MPPED1: variants seen among roughly 807,000 people sequenced by gnomAD.
MPPED1 encodes the protein metallophosphoesterase domain-containing protein 1.
A neutral mutation model predicts 36.2 loss-of-function variants in MPPED1; 16 were observed. The ratio of observed to expected loss-of-function variants is 0.44; its 90% confidence interval spans 0.30 to 0.67. The LOEUF (loss-of-function observed/expected upper bound fraction) is 0.67. MPPED1 is among the 30% of genes least tolerant of loss of function. The probability of loss-of-function intolerance (pLI) is 0.10; values close to 1 mark genes in which losing one functional copy is unlikely to be tolerated. For synonymous variants in MPPED1, 199 were observed against 191.3 expected (o/e 1.04, Z -0.33); for missense variants, 307 against 453.4 (o/e 0.68, Z 2.93).
At chr22:43,421,338 C>T (rs1176595724) in intron 1 of MPPED1, among the ~76,000 whole-genome samples, 1 of 152,224 alleles carries the variant, frequency 6.6e-6, no homozygotes, top group Non-Finnish European at 1.5e-5. Flanking sequence ...GAGCAGGGCC[C>T]GTTGCGAACC....
chr22:43,473,807 C>G (rs1451126575), intron 3 of MPPED1, among the ~76,000 whole-genome samples: 1 of 152,230 alleles, frequency 6.6e-6, no homozygotes, highest in Middle Eastern at 3.4e-3. Flanking sequence ...GGGCAGCTGC[C>G]GAGAAACCAG....
chr22:43,423,026 G>A (rs983232104), intron 1 of MPPED1, among the ~76,000 whole-genome samples: 1 of 152,070 alleles, frequency 6.6e-6, no homozygotes, highest in Non-Finnish European at 1.5e-5. Flanking sequence ...TAGTGGAGAG[G>A]GGGTTTCACT....
chr22:43,440,573 G>A (rs1173799318), intron 3 of MPPED1, among the ~76,000 whole-genome samples: 1 of 152,192 alleles, frequency 6.6e-6, no homozygotes, highest in Non-Finnish European at 1.5e-5. Context: ...TGACAGCCAT[G>A]CCTGCAAGAA....
chr22:43,486,009 C>T (rs1003608172), intron 4 of MPPED1, among the ~76,000 whole-genome samples: 1 of 152,218 alleles, frequency 6.6e-6, no homozygotes, highest in Non-Finnish European at 1.5e-5. Context: ...TGCCTGGGCC[C>T]ACCGGGCTAG....
chr22:43,449,350 A>G (rs1478056085), intron 3 of MPPED1, among the ~76,000 whole-genome samples: 1 of 152,082 alleles, frequency 6.6e-6, no homozygotes. Context: ...TCTGGAGGTC[A>G]CGCAGGTCTC....
intron 1 of MPPED1, among the ~76,000 whole-genome samples, chr22:43,414,111 A>C (rs1928999023): frequency 6.6e-6 from 1 of 152,208 alleles, no homozygotes. Context: ...TAAGAATTTT[A>C]GGGTGTTTTA....
chr22:43,492,022 T>C (rs2146906248), intron 4 of MPPED1, among the ~76,000 whole-genome samples: 1 of 151,380 alleles, frequency 6.6e-6, no homozygotes, highest in African/African-American at 2.4e-5. Context: ...ATGTTGGTGA[T>C]GATGGAGGTG....
Position 43,505,659 on chromosome 22 carries a change from A to G in MPPED1, c.*43A>G, listed in dbSNP as rs1026452528. On this transcript the variant is annotated 3_prime_UTR_variant, in exon 7 of 7. Coordinates refer to ENST00000443721, the MANE Select transcript of MPPED1 (RefSeq NM_001044370.2). Reference sequence around the variant, plus strand: ...TGCCCTGCCCGCCCGTGTCAGCTCCACAGGCCTGGCCCGGCCACTGTTCCT... The same window carrying G: ...TGCCCTGCCCGCCCGTGTCAGCTCCGCAGGCCTGGCCCGGCCACTGTTCCT... 1 of 1,533,872 alleles carries G rather than the reference A, an allele frequency of 6.5e-7. No individual in the cohort carries two copies. Among genetic ancestry groups the G allele is most frequent in the African/African-American group, 1.4e-5 (1 of 72,908 alleles).
In MPPED1 at chr22:43,475,573, TGTG is replaced by T. The variant is rs1184288180; in HGVS notation, c.632+631_632+633del. 1.1e-3 allele frequency among the ~76,000 whole-genome samples: 104 copies of T among 93,852 alleles called. 1 individual carries two copies. The highest frequency in any genetic ancestry group is 2.3e-3 in the African/African-American group (42 of 18,470). The allele number at this position is 93,852 out of a possible 152,430, so 61.6% of individuals were successfully genotyped here. Reference sequence around the variant, plus strand: ...TGGTGATGGTGGTGATGATGATGGTTGTGGTGGTGGTGGTGGTGGTGATGGTGG... The same window carrying T: ...TGGTGATGGTGGTGATGATGATGGTTGTGGTGGTGGTGGTGGTGATGGTGG... On this transcript the variant is annotated intron_variant, in intron 4 of 6. Coordinates refer to ENST00000443721, the MANE Select transcript of MPPED1 (RefSeq NM_001044370.2).
At chr22:43,435,258 A>T (rs757522925) in intron 3 of MPPED1, 43 bp downstream of exon 3, 25 of 1,560,774 alleles carry the variant, frequency 1.6e-5, no homozygotes, top group Middle Eastern at 1.7e-4. Flanking sequence ...GCTGAGCAGG[A>T]AGGGGGCTCC....
intron 4 of MPPED1, among the ~76,000 whole-genome samples, chr22:43,479,880 G>A (rs932720745): frequency 6.6e-6 from 1 of 152,124 alleles, no homozygotes; most frequent in Non-Finnish European, 1.5e-5. Context: ...CTTTTTCCCT[G>A]GAGATGGGGT....
intron 2 of MPPED1, among the ~76,000 whole-genome samples, chr22:43,432,074 G>A (rs192585682): frequency 6.6e-6 from 1 of 152,216 alleles, no homozygotes; most frequent in Non-Finnish European, 1.5e-5. Context: ...GGCTCCCAGA[G>A]GGTAGACTGT....
At chr22:43,471,550 G>T (rs1033022239) in intron 3 of MPPED1, among the ~76,000 whole-genome samples, 1 of 152,210 alleles carries the variant, frequency 6.6e-6, no homozygotes, top group South Asian at 2.1e-4. Flanking sequence ...TACCTTGGGG[G>T]TGCTCTAGGG....
At chr22:43,484,538 G>T (rs181959745) in intron 4 of MPPED1, among the ~76,000 whole-genome samples, 189 of 152,302 alleles carry the variant, frequency 1.2e-3, no homozygotes, top group Non-Finnish European at 2.3e-3. Context: ...TGACGGATTC[G>T]TCCTGAGCAC....
At position 43,456,647 on chromosome 22, in the gene MPPED1, A is replaced by C. The variant is rs565050429; in HGVS notation, c.407-18089A>C. On this transcript the variant is annotated intron_variant, in intron 3 of 6. Coordinates refer to ENST00000443721, the MANE Select transcript of MPPED1 (RefSeq NM_001044370.2). Reference sequence around the variant, plus strand: ...GTAGCTGAGATTACAGATGTGCAGCACCATGCCTGGCTGATTTTTGTTTTT... The same window carrying C: ...GTAGCTGAGATTACAGATGTGCAGCCCCATGCCTGGCTGATTTTTGTTTTT... Among the ~76,000 whole-genome samples, 4 of 152,258 alleles carry C rather than the reference A, an allele frequency of 2.6e-5. No homozygotes were observed. The East Asian group carries it at 7.7e-4, about 29-fold the overall frequency.
At chr22:43,465,115 C>G (rs991759528) in intron 3 of MPPED1, among the ~76,000 whole-genome samples, 1 of 152,200 alleles carries the variant, frequency 6.6e-6, no homozygotes, top group African/African-American at 2.4e-5. Flanking sequence ...GAAACTGAGG[C>G]ACGAGGAGGG....
At chr22:43,456,703 C>A (rs987970074) in intron 3 of MPPED1, among the ~76,000 whole-genome samples, 1 of 152,174 alleles carries the variant, frequency 6.6e-6, no homozygotes, top group African/African-American at 2.4e-5. Flanking sequence ...GCCATGTTGG[C>A]CAGACTGGTC....
intron 3 of MPPED1, among the ~76,000 whole-genome samples, chr22:43,440,091 G>A (rs367757028): frequency 6.6e-6 from 1 of 152,262 alleles, no homozygotes; most frequent in Non-Finnish European, 1.5e-5. Flanking sequence ...TGGACAGAGA[G>A]GAATGTGCAG....
At chr22:43,483,836 G>A (rs1016875647) in intron 4 of MPPED1, among the ~76,000 whole-genome samples, 3 of 152,324 alleles carry the variant, frequency 2.0e-5, no homozygotes, top group Non-Finnish European at 2.9e-5. Context: ...GCCACTTTAC[G>A]TGAGTTTCTT....
Sources: gnomAD v4.1 joint callset for allele counts (sites outside exome capture counted in the v4.1 genomes callset) on GRCh38, gnomAD v4.1.1 for gene constraint, MANE v1.5 for transcripts, NCBI Gene and HGNC (gene_info 2026-07-23, HGNC 2026-07-21) for gene names.